Variants in CADM2 observed in about 807,000 individuals in gnomAD.
CADM2 encodes cell adhesion molecule 2, also known as immunoglobulin superfamily member 4D.
In CADM2, 12 loss-of-function variants were observed where a neutral mutation model predicts 49.8. That is an observed-to-expected ratio of 0.24 (90% CI 0.15 to 0.39). The LOEUF is 0.39. CADM2 is among the 10% of genes least tolerant of loss of function. The probability of loss-of-function intolerance (pLI) is 1.00; values close to 1 mark genes in which losing one functional copy is unlikely to be tolerated. For synonymous variants in CADM2, 214 were observed against 175.4 expected (o/e 1.22, Z -1.74); for missense variants, 378 against 492.3 (o/e 0.77, Z 2.20).
chr3:86,013,541 G>T, intron 8 of CADM2: 1 of 1,605,084 alleles, frequency 6.2e-7, no homozygotes, highest in South Asian at 1.1e-5. Flanking sequence ...CAAAAACACA[G>T]CAGAGGCAGA....
At position 85,979,231 on chromosome 3, in the gene CADM2, T is replaced by C. The variant is rs746497689; in HGVS notation, c.970+17584T>C. ...TTACCACTGCAACAGTCACAACCAC[T>C]GTAGCCATAACAACCAGCCCAACCA... is the stretch of plus-strand genomic sequence containing the variant. On this transcript the variant is annotated intron_variant, in intron 8 of 9. Transcript: ENST00000383699. The C allele has an allele frequency of 1.9e-6, 3 of 1,611,002 alleles. No individual in the cohort carries two copies. The South Asian group carries it at 3.3e-5, about 18-fold the overall frequency.
At chr3:85,289,170 C>A (rs190153116) in intron 1 of CADM2, among the ~76,000 whole-genome samples, 1 of 152,192 alleles carries the variant, frequency 6.6e-6, no homozygotes, top group African/African-American at 2.4e-5. Flanking sequence ...ATTTACCCAT[C>A]TACTTAGCTA....
chr3:85,614,770 C>T (rs1344667396), intron 1 of CADM2, among the ~76,000 whole-genome samples: 1 of 151,938 alleles, frequency 6.6e-6, no homozygotes, highest in Non-Finnish European at 1.5e-5. Context: ...CTATGAGCCT[C>T]TAAAGTATCC....
chr3:85,933,344 G>C (rs142924962), intron 6 of CADM2, among the ~76,000 whole-genome samples: 1 of 152,060 alleles, frequency 6.6e-6, no homozygotes, highest in African/African-American at 2.4e-5. Flanking sequence ...CTCACTCTCG[G>C]TTCCACAGTG....
At chr3:85,438,514 A>C (rs530738336) in intron 1 of CADM2, among the ~76,000 whole-genome samples, 1 of 152,302 alleles carries the variant, frequency 6.6e-6, no homozygotes, top group Non-Finnish European at 1.5e-5. Flanking sequence ...ATTTCTAAGA[A>C]AAAAAGAGTA....
chr3:85,857,050 T>C (rs769089649), intron 3 of CADM2, among the ~76,000 whole-genome samples: 12 of 152,184 alleles, frequency 7.9e-5, no homozygotes, highest in Non-Finnish European at 1.3e-4. Context: ...AACAGCATAG[T>C]TGGGTTCTAG....
At chr3:85,480,657 A>T (rs1275975023) in intron 1 of CADM2, among the ~76,000 whole-genome samples, 2 of 151,914 alleles carry the variant, frequency 1.3e-5, no homozygotes, top group African/African-American at 4.8e-5. Flanking sequence ...CGCTATCCAT[A>T]GCATATATCA....
intron 7 of CADM2, among the ~76,000 whole-genome samples, chr3:85,955,705 G>T (rs1577769207): frequency 6.6e-6 from 1 of 151,428 alleles, no homozygotes; most frequent in Non-Finnish European, 1.5e-5. Flanking sequence ...ATCAACATCT[G>T]AGAGACTTGT....
chr3:85,526,485 A>G (rs1436145179), intron 1 of CADM2, among the ~76,000 whole-genome samples: 1 of 152,200 alleles, frequency 6.6e-6, no homozygotes, highest in Admixed American at 6.5e-5. Context: ...CAAAAGCGTA[A>G]TGCTATGTAA....
At chr3:84,987,068 C>G (rs1318726557) in intron 1 of CADM2, among the ~76,000 whole-genome samples, 1 of 150,664 alleles carries the variant, frequency 6.6e-6, no homozygotes, top group Non-Finnish European at 1.5e-5. Context: ...CAAAACAAAA[C>G]AAAACAAAAA....
intron 8 of CADM2, among the ~76,000 whole-genome samples, chr3:85,998,268 C>CTGA (rs1158468214): frequency 6.6e-6 from 1 of 152,056 alleles, no homozygotes; most frequent in African/African-American, 2.4e-5. Flanking sequence ...AACTCCATGA[C>CTGA]TGATACTTTA....
intron 1 of CADM2, among the ~76,000 whole-genome samples, chr3:85,047,856 C>G (rs979448516): frequency 2.0e-5 from 3 of 152,096 alleles, no homozygotes; most frequent in Admixed American, 2.0e-4. Flanking sequence ...TACACTTCTT[C>G]TCATCAAACA....
intron 7 of CADM2, among the ~76,000 whole-genome samples, chr3:85,950,625 T>C (rs1278983153): frequency 6.6e-6 from 1 of 151,112 alleles, no homozygotes; most frequent in African/African-American, 2.4e-5. Flanking sequence ...CTTGCATAGG[T>C]TATTTCCTGT....
intron 1 of CADM2, among the ~76,000 whole-genome samples, chr3:85,529,310 C>A (rs529639951): frequency 5.9e-5 from 9 of 152,266 alleles, no homozygotes; most frequent in Non-Finnish European, 1.3e-4. Context: ...AAGTTGACAT[C>A]TTCATGCTTC....
At chr3:86,036,782 G>A (rs58948025) in intron 8 of CADM2, among the ~76,000 whole-genome samples, 9,956 of 152,224 alleles carry the variant, frequency 0.065, 869 homozygotes, top group African/African-American at 0.19. Flanking sequence ...CACTTTATGT[G>A]ATATATGTGA....
At chr3:85,767,975 TATC>T (rs138713332) in intron 2 of CADM2, among the ~76,000 whole-genome samples, 340 of 152,254 alleles carry the variant, frequency 2.2e-3, no homozygotes, top group African/African-American at 8.0e-3. Context: ...GATAGTAAAT[TATC>T]ATATCTGTTT....
chr3:85,438,666 T>C (rs75012824), intron 1 of CADM2, among the ~76,000 whole-genome samples: 4,771 of 152,152 alleles, frequency 0.031, 191 homozygotes, highest in East Asian at 0.16. Context: ...CCTTTCCTTT[T>C]CATTTTCCTT....
intron 1 of CADM2, among the ~76,000 whole-genome samples, chr3:84,972,068 G>C (rs2107095394): frequency 6.6e-6 from 1 of 152,306 alleles, no homozygotes; most frequent in African/African-American, 2.4e-5. Context: ...GTGCCTTACA[G>C]CAGTAAGACA....
intron 7 of CADM2, among the ~76,000 whole-genome samples, chr3:85,948,413 C>T (rs1435198925): frequency 1.3e-5 from 2 of 151,128 alleles, no homozygotes; most frequent in South Asian, 2.1e-4. Context: ...GGATTATTGT[C>T]CACCTATTAT....
Sources: allele counts gnomAD v4.1 joint callset (sites outside exome capture counted in the v4.1 genomes callset), GRCh38; gene constraint gnomAD v4.1.1; transcripts MANE v1.5; gene names NCBI Gene and HGNC (gene_info 2026-07-23, HGNC 2026-07-21).